DNAH11: variants seen among roughly 807,000 people sequenced by gnomAD.
DNAH11 encodes axonemal beta dynein heavy chain 11.
Under a neutral mutation model 526.0 loss-of-function variants are expected in DNAH11, and 442 were observed. That is an observed-to-expected ratio of 0.84 (90% CI 0.78 to 0.91). DNAH11 has a LOEUF of 0.91. DNAH11 is among the 40% of genes least tolerant of loss of function. The probability of loss-of-function intolerance (pLI) is 0.00; values close to 1 mark genes in which losing one functional copy is unlikely to be tolerated. For missense variants in DNAH11, 6,989 were observed against 5,448.7 expected (o/e 1.28, Z -8.90); for synonymous variants, 2,461 against 1,935.9 (o/e 1.27, Z -7.12).
intron 31 of DNAH11, among the ~76,000 whole-genome samples, chr7:21,681,942 A>G (rs1335144704): frequency 6.6e-6 from 1 of 152,196 alleles, no homozygotes. Context: ...CAGTGGAAGA[A>G]CCGTGAGAAA....
chr7:21,798,598 T>C (rs532338761), intron 61 of DNAH11, among the ~76,000 whole-genome samples: 1 of 152,348 alleles, frequency 6.6e-6, no homozygotes, highest in South Asian at 2.1e-4. Context: ...TTCACTCACT[T>C]GCTAGTGAAA....
In DNAH11 at chr7:21,589,267, T is replaced by C; in HGVS notation, c.2033T>C (p.Leu678Ser). ...VYQKYVEMTT[L>S]LDQFESRIYN... ...CAAAAGTATGTTGAAATGACCACTTTGCTTGATCAATTTGAAAGTCGTATC... is the reference window on the plus strand; with the variant it reads ...CAAAAGTATGTTGAAATGACCACTTCGCTTGATCAATTTGAAAGTCGTATC... The change falls in exon 12 of 82, where the codon TTG becomes TCG. Residue 678 changes from leucine (L) to serine (S), a missense_variant. Coordinates refer to ENST00000409508, the MANE Select transcript of DNAH11 (RefSeq NM_001277115.2). 4 of 1,610,672 alleles carry C rather than the reference T, an allele frequency of 2.5e-6. No individual in the cohort carries two copies. The highest frequency in any genetic ancestry group is 1.7e-6 in the Non-Finnish European group (2 of 1,178,918).
At chr7:21,869,032 A>C (rs1783395964) in intron 73 of DNAH11, 41 bp downstream of exon 73, 5 of 1,612,250 alleles carry the variant, frequency 3.1e-6, no homozygotes, top group Non-Finnish European at 4.2e-6. Flanking sequence ...GCATAAACAC[A>C]GAGGAGGGCC....
At chr7:21,751,874 CT>C (rs1786426613) in intron 54 of DNAH11, among the ~76,000 whole-genome samples, 2 of 152,194 alleles carry the variant, frequency 1.3e-5, no homozygotes, top group Admixed American at 1.3e-4. Flanking sequence ...GGATTTCTTC[CT>C]GTTCCATGGT....
At chr7:21,656,487 T>C (rs1328801967) in intron 29 of DNAH11, among the ~76,000 whole-genome samples, 1 of 152,190 alleles carries the variant, frequency 6.6e-6, no homozygotes, top group Admixed American at 6.5e-5. Flanking sequence ...CTAATTACCA[T>C]GTGCACAGAG....
At position 21,901,372 on chromosome 7, in the gene DNAH11, T is replaced by TTTTCAACGCTATCCTTA. The variant is rs1784833212; in HGVS notation, c.*119_*135dup. 7.5e-7 allele frequency: 1 copy of TTTTCAACGCTATCCTTA among 1,328,028 alleles called. No individual in the cohort carries two copies. Among genetic ancestry groups the TTTTCAACGCTATCCTTA allele is most frequent in the Non-Finnish European group, 9.8e-7 (1 of 1,020,144 alleles). 82.3% of individuals were successfully genotyped at this position (1,328,028 alleles called of 1,614,324 possible). A position where few individuals can be genotyped will look rare whatever the true frequency, so the allele number is the denominator to read the frequency against. ...TTTAGTAACTCACACGTGCATTCTT[T>TTTTCAACGCTATCCTTA]TTTCAACGCTATCCTTAGAGTGAAA... On this transcript the variant is annotated 3_prime_UTR_variant, in exon 82 of 82. Coordinates refer to ENST00000409508, the MANE Select transcript of DNAH11 (RefSeq NM_001277115.2).
chr7:21,698,137 G>T lies in DNAH11; in HGVS notation c.6104G>T (p.Gly2035Val), dbSNP rs771529230. 2 of 1,613,496 alleles carry T rather than the reference G, an allele frequency of 1.2e-6. No individual in the cohort carries two copies. The highest frequency in any genetic ancestry group is 2.7e-5 in the African/African-American group (2 of 74,876). Reference sequence around the variant, plus strand: ...TGTGAAATCTTGTTAGTTGCTGAAGGTTTTGTGGATGCGCGTGCATTAGCC... The same window carrying T: ...TGTGAAATCTTGTTAGTTGCTGAAGTTTTTGTGGATGCGCGTGCATTAGCC... Reference protein sequence around the residue: ...LICEILLVAEGFVDARALARK... With the variant: ...LICEILLVAEVFVDARALARK... The change falls in exon 36 of 82, where the codon GGT (glycine) becomes GTT (valine). Residue 2035 changes from glycine to valine, a missense_variant. Physicochemically the swap from Gly to Val is moderately radical, Grantham distance 109. Transcript: ENST00000409508.
chr7:21,855,006 T>C (rs1383481661), intron 68 of DNAH11, among the ~76,000 whole-genome samples: 1 of 151,710 alleles, frequency 6.6e-6, no homozygotes, highest in Admixed American at 6.6e-5. Flanking sequence ...TATATTGGTG[T>C]ATTGCTCCTG....
chr7:21,808,356 C>T (rs1160995567), intron 63 of DNAH11, among the ~76,000 whole-genome samples: 2 of 152,088 alleles, frequency 1.3e-5, no homozygotes, highest in Non-Finnish European at 2.9e-5. Flanking sequence ...AGATATCTAT[C>T]ACCTGAAACA....
At chr7:21,868,644 G>A (rs988464823) in intron 72 of DNAH11, among the ~76,000 whole-genome samples, 10 of 152,182 alleles carry the variant, frequency 6.6e-5, no homozygotes, top group Non-Finnish European at 1.5e-4. Flanking sequence ...AAAACCAAAG[G>A]AACTGGCTTC....
rs192510914 is a variant in DNAH11, at chr7:21,612,169, C to T, written c.3853-2945C>T. ...ATTTACCAAAACTGTCTCAGTAAATCTGAGTAGTCATATAACTATTCAAAC... is the reference window on the plus strand; with the variant it reads ...ATTTACCAAAACTGTCTCAGTAAATTTGAGTAGTCATATAACTATTCAAAC... On this transcript the variant is annotated intron_variant, in intron 20 of 81. Coordinates refer to ENST00000409508, the MANE Select transcript of DNAH11 (RefSeq NM_001277115.2). 3.4e-3 allele frequency among the ~76,000 whole-genome samples: 523 copies of T among 152,186 alleles called. 9 individuals are homozygous for T. The highest frequency in any genetic ancestry group is 0.012 in the African/African-American group (483 of 41,548).
intron 70 of DNAH11, 109 bp downstream of exon 70, chr7:21,864,766 T>C: frequency 8.9e-7 from 1 of 1,117,352 alleles, no homozygotes. Flanking sequence ...TTAAGCACCA[T>C]TTCAGTTGTA....
chr7:21,685,018 G>A (rs1783311757), intron 32 of DNAH11, among the ~76,000 whole-genome samples: 1 of 152,190 alleles, frequency 6.6e-6, no homozygotes, highest in Admixed American at 6.5e-5. Context: ...CTGAGAGGCT[G>A]GTAGGATTCT....
At chr7:21,608,472 C>T (rs1056139020) in intron 20 of DNAH11, among the ~76,000 whole-genome samples, 2 of 152,120 alleles carry the variant, frequency 1.3e-5, no homozygotes, top group African/African-American at 4.8e-5. Flanking sequence ...TAGCTGGATG[C>T]GGCTGACAGA....
intron 61 of DNAH11, among the ~76,000 whole-genome samples, chr7:21,792,517 T>G (rs1305678150): frequency 6.6e-6 from 1 of 152,176 alleles, no homozygotes; most frequent in Admixed American, 6.5e-5. Context: ...GTAAAGCCAT[T>G]AGGTCCTAGG....
At chr7:21,719,474 G>C (rs980358102) in intron 43 of DNAH11, among the ~76,000 whole-genome samples, 3 of 152,198 alleles carry the variant, frequency 2.0e-5, no homozygotes, top group Non-Finnish European at 4.4e-5. Flanking sequence ...GTTCATCTCA[G>C]CAGATAGCGT....
chr7:21,870,243 T>C (rs1226958643), intron 73 of DNAH11, among the ~76,000 whole-genome samples: 1 of 152,176 alleles, frequency 6.6e-6, no homozygotes, highest in Non-Finnish European at 1.5e-5. Context: ...TCATGCAAGA[T>C]ACAGCGTTGG....
rs751276137 is a variant in DNAH11 at position 21,589,198 on chromosome 7, A to G, written c.1974-10A>G. ...ACGTATAAACCAGTAGAAAAACCTT[A>G]TTCCTACAGATTTTTGGGCAATCCT... On this transcript the variant is annotated splice_polypyrimidine_tract_variant and intron_variant, in intron 11 of 81. Coordinates refer to ENST00000409508, the MANE Select transcript of DNAH11 (RefSeq NM_001277115.2). 13 of 1,586,312 alleles carry G rather than the reference A, an allele frequency of 8.2e-6. No individual in the cohort carries two copies. Among genetic ancestry groups the G allele is most frequent in the East Asian group, 6.8e-5 (3 of 44,206 alleles).
At chr7:21,692,660 T>C (rs1783682753) in intron 35 of DNAH11, among the ~76,000 whole-genome samples, 1 of 152,182 alleles carries the variant, frequency 6.6e-6, no homozygotes. Flanking sequence ...CATGAACATA[T>C]ATTTTTATTT....
Sources: allele counts gnomAD v4.1 joint callset (sites outside exome capture counted in the v4.1 genomes callset), GRCh38; gene constraint gnomAD v4.1.1; transcripts MANE v1.5; gene names NCBI Gene and HGNC (gene_info 2026-07-23, HGNC 2026-07-21).